The following CHD7 variants were observed in gnomAD, a reference collection of about 807,000 sequenced individuals.
The protein encoded by CHD7 is chromodomain helicase DNA binding protein 7, also known as ATP-dependent chromatin remodeler CHD7.
A neutral mutation model predicts 307.3 loss-of-function variants in CHD7; 24 were observed. That is an observed-to-expected ratio of 0.08 (90% confidence interval 0.06 to 0.11). CHD7 has a LOEUF of 0.11. CHD7 is among the 10% of genes least tolerant of loss of function. The probability of loss-of-function intolerance (pLI) is 1.00; values close to 1 mark genes in which losing one functional copy is unlikely to be tolerated. For synonymous variants in CHD7, 1,363 were observed against 1,349.9 expected (o/e 1.01, Z -0.21); for missense variants, 3,106 against 3,727.1 (o/e 0.83, Z 4.34).
chr8:60,849,809 G>T (rs1805374502), intron 25 of CHD7, among the ~76,000 whole-genome samples: 1 of 152,214 alleles, frequency 6.6e-6, no homozygotes. Flanking sequence ...GTTAGGAGCG[G>T]TGTGTTGTAG....
chr8:60,830,664 T>C, intron 15 of CHD7, 87 bp downstream of exon 15: 3 of 1,443,890 alleles, frequency 2.1e-6, no homozygotes, highest in Middle Eastern at 1.9e-4. Context: ...GATTTCATGG[T>C]GTATAGTCAT....
chr8:60,836,405 A>T, intron 16 of CHD7, 122 bp downstream of exon 16: 1 of 737,030 alleles, frequency 1.4e-6, no homozygotes, highest in Non-Finnish European at 2.2e-6. Flanking sequence ...AGTGCATCAC[A>T]TGTCATTTTT....
At chr8:60,681,388 A>G (rs908580034) in intron 1 of CHD7, among the ~76,000 whole-genome samples, 1 of 152,316 alleles carries the variant, frequency 6.6e-6, no homozygotes, top group African/African-American at 2.4e-5. Flanking sequence ...GGCAGCTTTC[A>G]TTTGACTGAG....
chr8:60,852,163 C>T lies in CHD7; in HGVS notation c.5810C>T (p.Thr1937Ile). 1 of 1,613,942 alleles carries T rather than the reference C, an allele frequency of 6.2e-7. No individual in the cohort carries two copies. Among genetic ancestry groups the T allele is most frequent in the Non-Finnish European group, 8.5e-7 (1 of 1,179,884 alleles). ...QQMRQEALMKTDRRRRRPREE... is the reference protein window; with the variant it reads ...QQMRQEALMKIDRRRRRPREE... Reference sequence around the variant, plus strand: ...ATGAGGCAAGAGGCCCTAATGAAGACTGACCGGCGCAGACGGCGGCCTCGA... The same window carrying T: ...ATGAGGCAAGAGGCCCTAATGAAGATTGACCGGCGCAGACGGCGGCCTCGA... Residue 1937 changes from threonine (T) to isoleucine (I), a missense_variant, in exon 29 of 38, where the codon ACT becomes ATT. Thr to Ile is a moderately conservative substitution (Grantham distance 89, BLOSUM62 -1). Around this residue, in one of 10 missense-constraint regions of CHD7, gnomAD observed 1,030 missense variants for 1,165.4 expected, o/e 0.88. Coordinates refer to ENST00000423902, the MANE Select transcript of CHD7 (RefSeq NM_017780.4).
At chr8:60,685,911 G>A (rs555686927) in intron 1 of CHD7, among the ~76,000 whole-genome samples, 59 of 152,258 alleles carry the variant, frequency 3.9e-4, no homozygotes, top group African/African-American at 1.4e-3. Flanking sequence ...TTTTGTGTTT[G>A]CCAGCTAATA....
chr8:60,851,377 C>A, intron 28 of CHD7, 58 bp downstream of exon 28: 1 of 1,299,610 alleles, frequency 7.7e-7, no homozygotes, highest in Non-Finnish European at 1.1e-6. Context: ...AGTCATTGTT[C>A]ACGTGGTAGG....
intron 6 of CHD7, 104 bp downstream of exon 6, chr8:60,801,697 C>T: frequency 2.7e-6 from 2 of 728,016 alleles, no homozygotes; most frequent in Non-Finnish European, 4.6e-6. Flanking sequence ...TAAAATAAAA[C>T]TTCCAGTAAT....
rs750785243 is a variant in CHD7 at position 60,822,592 on chromosome 8, A to T, written c.3047A>T (p.His1016Leu). 1.2e-6 allele frequency: 2 copies of T among 1,613,894 alleles called. No homozygotes were observed. The highest frequency in any genetic ancestry group is 1.7e-5 in the Admixed American group (1 of 60,020). The change falls in exon 12 of 38, where the codon CAT (histidine) becomes CTT (leucine). Residue 1016 changes from histidine to leucine, a missense_variant. Transcript: ENST00000423902. ...TATGAGATATATTTGAAAGGAATCC[A>T]TGGCCCTTTTTTAGTAATTGCCCCA... is the stretch of plus-strand genomic sequence containing the variant. ...FLYEIYLKGI[H>L]GPFLVIAPLS...
intron 1 of CHD7, among the ~76,000 whole-genome samples, chr8:60,688,583 C>T (rs979756648): frequency 1.3e-5 from 2 of 152,106 alleles, no homozygotes; most frequent in Non-Finnish European, 2.9e-5. Flanking sequence ...TTGCCTAATT[C>T]TCTTGTTGAT....
intron 1 of CHD7, among the ~76,000 whole-genome samples, chr8:60,728,488 C>G (rs1808278933): frequency 1.3e-5 from 2 of 152,292 alleles, no homozygotes; most frequent in South Asian, 4.2e-4. Context: ...GGCACCGTGT[C>G]TGGCATTGGG....
chr8:60,818,147 G>T lies in CHD7; in HGVS notation c.2613+1646G>T, dbSNP rs148782152. Reference sequence around the variant, plus strand: ...TATACATGAAAGTGCACACGCCCCCGTTTGTTTCATCCCATACATGATCAT... The same window carrying T: ...TATACATGAAAGTGCACACGCCCCCTTTTGTTTCATCCCATACATGATCAT... On this transcript the variant is annotated intron_variant, in intron 8 of 37. Transcript: ENST00000423902. 4.3e-3 allele frequency among the ~76,000 whole-genome samples: 648 copies of T among 152,244 alleles called. 3 individuals are homozygous for T. The highest frequency in any genetic ancestry group is 0.015 in the African/African-American group (625 of 41,548).
chr8:60,742,894 C>A lies in CHD7; in HGVS notation c.1462C>A (p.Pro488Thr). ...TTGTCCTGGTGTTGGCCTTGGAGAC[C>A]CACAAGCAATCCAGGAACGACTGAT... is the stretch of plus-strand genomic sequence containing the variant. ...NGCPGVGLGD[P>T]QAIQERLIPG... The change falls in exon 2 of 38, where the codon CCA becomes ACA. Residue 488 changes from proline to threonine, a missense_variant. Pro to Thr is a conservative substitution (Grantham distance 38). Transcript: ENST00000423902. The A allele has an allele frequency of 6.2e-7, 1 of 1,612,346 alleles. No homozygotes were observed. The highest frequency in any genetic ancestry group is 8.5e-7 in the Non-Finnish European group (1 of 1,179,074).
intron 1 of CHD7, chr8:60,679,688 G>T (rs1215620796): frequency 6.1e-5 from 9 of 147,020 alleles, no homozygotes; most frequent in African/African-American, 2.0e-4. Flanking sequence ...GCTCCGGACC[G>T]ACCACGCCGC....
chr8:60,803,300 G>C (rs1812395614), intron 6 of CHD7, among the ~76,000 whole-genome samples: 1 of 152,170 alleles, frequency 6.6e-6, no homozygotes, highest in Admixed American at 6.5e-5. Flanking sequence ...TACTCAGCAG[G>C]TTTAGGGGTT....
At chr8:60,842,540 A>G (rs1029726711) in intron 21 of CHD7, among the ~76,000 whole-genome samples, 8 of 152,210 alleles carry the variant, frequency 5.3e-5, no homozygotes, top group Admixed American at 3.9e-4. Flanking sequence ...CTGCTGGACT[A>G]TAAGTTTCTG....
At chr8:60,737,901 G>T (rs749032540) in intron 1 of CHD7, among the ~76,000 whole-genome samples, 1 of 152,146 alleles carries the variant, frequency 6.6e-6, no homozygotes, top group Non-Finnish European at 1.5e-5. Context: ...AGGGAATTTT[G>T]TTTTATTCAC....
chr8:60,703,179 A>G (rs928763197), intron 1 of CHD7, among the ~76,000 whole-genome samples: 22 of 152,172 alleles, frequency 1.4e-4, no homozygotes, highest in African/African-American at 5.3e-4. Flanking sequence ...GGTAAAATAC[A>G]CATCTTAACT....
chr8:60,822,068 G>A lies in CHD7; in HGVS notation c.2880G>A (p.Arg960=). The A allele has an allele frequency of 6.2e-7, 1 of 1,613,756 alleles. No homozygotes were observed. The highest frequency in any genetic ancestry group is 8.5e-7 in the Non-Finnish European group (1 of 1,179,792). Residue 960 remains arginine, a synonymous_variant, in exon 11 of 38, where the codon AGG becomes AGA. Transcript: ENST00000423902. ...ADDWKKSESS[R]EYKNNNKLRE... is the part of the protein sequence containing the mutation. ...ATTGGAAGAAATCGGAGAGTTCCAG[G>A]GAGTATAAAAACAATAACAAACTCA...
chr8:60,748,098 A>C (rs1053809979), intron 2 of CHD7, among the ~76,000 whole-genome samples: 6 of 152,202 alleles, frequency 3.9e-5, no homozygotes, highest in African/African-American at 1.2e-4. Context: ...GAGGGAGAAC[A>C]ATCTTGCTGT....
Sources: gnomAD v4.1 joint callset for allele counts (sites outside exome capture counted in the v4.1 genomes callset) on GRCh38, gnomAD v4.1.1 for gene constraint, gnomAD v4.1.1 regional missense constraint, MANE v1.5 for transcripts, NCBI Gene and HGNC (gene_info 2026-07-23, HGNC 2026-07-21) for gene names.